The following CRPPA variants were observed in gnomAD, a reference collection of about 807,000 sequenced individuals.
CRPPA encodes CDP-L-ribitol pyrophosphorylase A.
CRPPA carries 43 observed loss-of-function variants against 52.0 expected under a neutral mutation model. The observed-to-expected ratio is 0.83, with a 90% CI of 0.65 to 1.07. CRPPA has a LOEUF of 1.07. Ranked by LOEUF, CRPPA falls within the 50% of genes least tolerant of loss-of-function variation. The probability of loss-of-function intolerance (pLI) is 0.00; values close to 1 mark genes in which losing one functional copy is unlikely to be tolerated. For synonymous variants in CRPPA, 250 were observed against 203.5 expected, an observed-to-expected ratio of 1.23 and a Z score of -1.94; for missense variants, 629 against 551.7, an observed-to-expected ratio of 1.14 and a Z score of -1.40.
At chr7:16,203,233 C>G (rs966137906) in intron 9 of CRPPA, among the ~76,000 whole-genome samples, 1 of 152,084 alleles carries the variant, frequency 6.6e-6, no homozygotes, top group Admixed American at 6.6e-5. Context: ...AAATAATAAA[C>G]ATAATGACCT....
rs1407628089 is a variant in CRPPA, at chr7:16,091,702, A to G, written c.1349T>C (p.Ile450Thr). 1.9e-6 allele frequency: 3 copies of G among 1,543,940 alleles called. No individual in the cohort carries two copies. Among genetic ancestry groups the G allele is most frequent in the Admixed American group, 2.0e-5 (1 of 50,318 alleles). ...RNSGLIGQLL[I>T]A is the part of the protein sequence containing the mutation. Reference sequence around the variant, plus strand: ...GGTAATTTTTTGTGTTCTTCATGCTATCAGAAGCTGACCAATGAGTCCAGA... The same window carrying G: ...GGTAATTTTTTGTGTTCTTCATGCTGTCAGAAGCTGACCAATGAGTCCAGA... The change falls in exon 10 of 10, where the codon ATA (isoleucine) becomes ACA (threonine). Residue 450 changes from isoleucine to threonine, a missense_variant. By Grantham distance (89) the Ile-to-Thr change is moderately conservative. Transcript: ENST00000407010.
At chr7:16,355,473 C>T (rs918405507) in intron 3 of CRPPA, among the ~76,000 whole-genome samples, 4 of 152,158 alleles carry the variant, frequency 2.6e-5, no homozygotes, top group Admixed American at 2.6e-4. Context: ...GCCTATTGCG[C>T]TCATGTAACC....
At chr7:16,296,971 G>C (rs961091669) in intron 5 of CRPPA, among the ~76,000 whole-genome samples, 1 of 152,180 alleles carries the variant, frequency 6.6e-6, no homozygotes, top group Non-Finnish European at 1.5e-5. Context: ...AGAGGAATCA[G>C]AGCTAGGCAA....
At chr7:16,162,239 T>C (rs1780914903) in intron 9 of CRPPA, among the ~76,000 whole-genome samples, 1 of 152,218 alleles carries the variant, frequency 6.6e-6, no homozygotes, top group African/African-American at 2.4e-5. Context: ...TGTTTGCTCT[T>C]GCTTCTCTAG....
intron 6 of CRPPA, among the ~76,000 whole-genome samples, chr7:16,266,498 A>C (rs1397401889): frequency 6.7e-6 from 1 of 150,220 alleles, no homozygotes; most frequent in Non-Finnish European, 1.5e-5. Context: ...TTTTTTTTTA[A>C]GACAGAGTCT....
chr7:16,330,488 G>C (rs1785524262), intron 3 of CRPPA, among the ~76,000 whole-genome samples: 1 of 152,164 alleles, frequency 6.6e-6, no homozygotes, highest in Non-Finnish European at 1.5e-5. Context: ...CAGATTCAGA[G>C]AATCACAACA....
intron 6 of CRPPA, among the ~76,000 whole-genome samples, chr7:16,272,884 G>A (rs930440145): frequency 6.6e-6 from 1 of 151,762 alleles, no homozygotes; most frequent in Admixed American, 6.6e-5. Context: ...AAATAAAGGG[G>A]GAAATCATAG....
rs148021536 is a variant in CRPPA at position 16,343,814 on chromosome 7, G to A, written c.684+32278C>T. 1.8e-4 allele frequency among the ~76,000 whole-genome samples: 28 copies of A among 152,280 alleles called. No homozygotes were observed. The East Asian group carries it at 1.9e-3, about 11-fold the overall frequency. The stretch of plus-strand genomic sequence containing the variant: ...CAGAAAGCCATATGCTCTCACCTCT[G>A]GATGACCACGTGTCTCTGCACATGT... On this transcript the variant is annotated intron_variant, in intron 3 of 9. Coordinates refer to ENST00000407010, the MANE Select transcript of CRPPA (RefSeq NM_001101426.4).
At chr7:16,258,549 G>T in intron 7 of CRPPA, 67 bp from the exon 8 acceptor site, 1 of 861,298 alleles carries the variant, frequency 1.2e-6, no homozygotes, top group Non-Finnish European at 1.8e-6. Flanking sequence ...TTATTTCAAG[G>T]AATAAATGGA....
At chr7:16,308,935 C>A (rs987468387) in intron 3 of CRPPA, among the ~76,000 whole-genome samples, 2 of 152,148 alleles carry the variant, frequency 1.3e-5, no homozygotes, top group Non-Finnish European at 2.9e-5. Context: ...TTATAAGTTA[C>A]CTTTCCAAAC....
chr7:16,387,050 T>C (rs10224674), intron 2 of CRPPA, among the ~76,000 whole-genome samples: 2,107 of 24,480 alleles, frequency 0.086, 104 homozygotes, highest in African/African-American at 0.22. Flanking sequence ...AAAAGATATA[T>C]ATATATATAT....
intron 8 of CRPPA, chr7:16,248,134 T>C (rs1034150590): frequency 2.6e-5 from 4 of 152,052 alleles, no homozygotes; most frequent in African/African-American, 7.2e-5. Context: ...CAGGAGTTCA[T>C]GAACAGCCTG....
chr7:16,229,989 C>T (rs955414963), intron 8 of CRPPA, among the ~76,000 whole-genome samples: 2 of 151,922 alleles, frequency 1.3e-5, no homozygotes, highest in African/African-American at 4.8e-5. Context: ...TACAAGATTT[C>T]TGCCAAAAAG....
chr7:16,397,638 CG>C (rs1437856441), intron 2 of CRPPA, among the ~76,000 whole-genome samples: 1 of 152,206 alleles, frequency 6.6e-6, no homozygotes, highest in East Asian at 1.9e-4. Flanking sequence ...GTGTGTGACA[CG>C]TGACACATGA....
At chr7:16,108,068 G>A (rs1398511302) in intron 9 of CRPPA, among the ~76,000 whole-genome samples, 1 of 151,524 alleles carries the variant, frequency 6.6e-6, no homozygotes, top group Non-Finnish European at 1.5e-5. Flanking sequence ...CACAAGAGAA[G>A]AAAAAAATAC....
chr7:16,093,854 A>C (rs1200079533), intron 9 of CRPPA, among the ~76,000 whole-genome samples: 2 of 152,162 alleles, frequency 1.3e-5, no homozygotes, highest in Non-Finnish European at 2.9e-5. Flanking sequence ...TCTATAACAC[A>C]CATCTATTCC....
At chr7:16,329,508 C>T (rs1482261540) in intron 3 of CRPPA, among the ~76,000 whole-genome samples, 2 of 152,098 alleles carry the variant, frequency 1.3e-5, no homozygotes, top group Non-Finnish European at 2.9e-5. Context: ...TTTGATTATC[C>T]AAAGAGTGTG....
intron 5 of CRPPA, among the ~76,000 whole-genome samples, chr7:16,300,924 A>T (rs947120024): frequency 6.6e-5 from 10 of 152,362 alleles, no homozygotes; most frequent in Admixed American, 5.9e-4. Flanking sequence ...GTTATCACAC[A>T]TATGATATCT....
intron 8 of CRPPA, among the ~76,000 whole-genome samples, chr7:16,240,341 T>C (rs1418779372): frequency 2.6e-5 from 4 of 151,962 alleles, no homozygotes; most frequent in African/African-American, 9.7e-5. Flanking sequence ...TTATAGAATT[T>C]ATACAAGTAA....
Sources: gnomAD v4.1 joint callset for allele counts (sites outside exome capture counted in the v4.1 genomes callset) on GRCh38, gnomAD v4.1.1 for gene constraint, MANE v1.5 for transcripts, NCBI Gene and HGNC (gene_info 2026-07-23, HGNC 2026-07-21) for gene names.